PMEPA1: variants seen among roughly 807,000 people sequenced by gnomAD.
PMEPA1 encodes protein TMEPAI.
PMEPA1 carries 11 observed loss-of-function variants against 23.0 expected under a neutral mutation model. The observed-to-expected ratio is 0.48, with a 90% CI of 0.30 to 0.79. The LOEUF is 0.79. Among genes scored for constraint, PMEPA1 ranks in the 30% least tolerant of loss-of-function variants. PMEPA1 has a pLI of 0.06. For synonymous variants in PMEPA1, 204 were observed against 166.4 expected (o/e 1.23, Z -1.74); for missense variants, 377 against 390.9 (o/e 0.96, Z 0.30).
chr20:57,651,198 G>C lies in PMEPA1; in HGVS notation c.*855C>G. The stretch of plus-strand genomic sequence containing the variant: ...TCAGGGGGGAAAAGGTGTCTCCTTC[G>C]GTAGGGAATATATAACGTGGTGATA... On this transcript the variant is annotated 3_prime_UTR_variant, in exon 4 of 4. Transcript: ENST00000341744. 6.6e-6 allele frequency: 1 copy of C among 152,200 alleles called. No homozygotes were observed. The highest frequency in any genetic ancestry group is 2.4e-5 in the African/African-American group (1 of 41,440). The allele number at this position is 152,200 out of a possible 1,614,324, so 9.4% of individuals were successfully genotyped here.
In PMEPA1 at chr20:57,688,968, G is replaced by A. The variant is rs1030163498; in HGVS notation, c.109+20506C>T. 4.6e-5 allele frequency among the ~76,000 whole-genome samples: 7 copies of A among 152,210 alleles called. No individual in the cohort carries two copies. In the East Asian group the frequency reaches 9.6e-4, roughly 21 times the overall value. On this transcript the variant is annotated intron_variant, in intron 1 of 3. Transcript: ENST00000341744. ...TTCTTTGGCTCAGACCTGGCTGAGC[G>A]CTGCCTCTGGGCCTTCGATCCCCGC...
intron 2 of PMEPA1, among the ~76,000 whole-genome samples, chr20:57,653,739 C>T (rs1348554459): frequency 6.6e-6 from 1 of 152,208 alleles, no homozygotes; most frequent in Non-Finnish European, 1.5e-5. Context: ...CACGGCAGGC[C>T]AGGCTGCACG....
At chr20:57,671,339 A>G (rs987702889) in intron 1 of PMEPA1, among the ~76,000 whole-genome samples, 1 of 152,080 alleles carries the variant, frequency 6.6e-6, no homozygotes, top group Non-Finnish European at 1.5e-5. Flanking sequence ...AGGAGAGTGG[A>G]CGACAAATGG....
chr20:57,669,549 C>T (rs1293310007), intron 1 of PMEPA1, among the ~76,000 whole-genome samples: 4 of 152,236 alleles, frequency 2.6e-5, no homozygotes, highest in South Asian at 2.1e-4. Flanking sequence ...CTGGGAACCA[C>T]TGAAATGTCC....
intron 1 of PMEPA1, among the ~76,000 whole-genome samples, chr20:57,708,840 C>T (rs2072123248): frequency 1.3e-5 from 2 of 152,082 alleles, no homozygotes; most frequent in Admixed American, 1.3e-4. Context: ...GCACCCCGGC[C>T]CGGACACGGG....
chr20:57,681,442 G>A (rs986580659), intron 1 of PMEPA1, among the ~76,000 whole-genome samples: 10 of 152,302 alleles, frequency 6.6e-5, no homozygotes, highest in African/African-American at 2.4e-4. Flanking sequence ...GTGACAGCGA[G>A]AGACCTCTCT....
chr20:57,698,115 C>T (rs1197600141), intron 1 of PMEPA1, among the ~76,000 whole-genome samples: 1 of 152,116 alleles, frequency 6.6e-6, no homozygotes, highest in Non-Finnish European at 1.5e-5. Context: ...GCATCCCTCC[C>T]GTGTCAGCCT....
chr20:57,698,833 A>T (rs1488681882), intron 1 of PMEPA1, among the ~76,000 whole-genome samples: 1 of 152,306 alleles, frequency 6.6e-6, no homozygotes, highest in Non-Finnish European at 1.5e-5. Context: ...ACACACACAG[A>T]CTTGGCAAGT....
chr20:57,686,010 G>C (rs891813147), intron 1 of PMEPA1, among the ~76,000 whole-genome samples: 12 of 152,128 alleles, frequency 7.9e-5, no homozygotes, highest in African/African-American at 2.7e-4. Flanking sequence ...GGCTGCAAGG[G>C]TGTGGCCCGG....
At chr20:57,654,320 A>G (rs2071295327) in intron 2 of PMEPA1, among the ~76,000 whole-genome samples, 1 of 152,192 alleles carries the variant, frequency 6.6e-6, no homozygotes, top group Non-Finnish European at 1.5e-5. Context: ...ACCTCTCACC[A>G]CAATCAAGAT....
chr20:57,697,525 A>G (rs1231157707), intron 1 of PMEPA1, among the ~76,000 whole-genome samples: 1 of 152,248 alleles, frequency 6.6e-6, no homozygotes, highest in African/African-American at 2.4e-5. Flanking sequence ...ACTTTCTCAC[A>G]GCCATCCAAC....
At chr20:57,709,323 G>A (rs1257973058) in intron 1 of PMEPA1, 151 bp downstream of exon 1, 9 of 358,708 alleles carry the variant, frequency 2.5e-5, no homozygotes, top group Non-Finnish European at 3.2e-5. Flanking sequence ...CGAGCCGGGA[G>A]GGCGCGCCCG....
chr20:57,686,712 C>T (rs2146690444), intron 1 of PMEPA1, among the ~76,000 whole-genome samples: 1 of 152,394 alleles, frequency 6.6e-6, no homozygotes, highest in Admixed American at 6.5e-5. Context: ...AGGCCCTCAC[C>T]TGTGAGATGG....
chr20:57,666,979 T>C (rs203391), intron 1 of PMEPA1, among the ~76,000 whole-genome samples: 79,260 of 152,136 alleles, frequency 0.52, 20,984 homozygotes, highest in East Asian at 0.63. Context: ...ATACACACGA[T>C]GGCACGTGTG....
intron 1 of PMEPA1, chr20:57,700,053 C>G: frequency 2.1e-6 from 1 of 471,240 alleles, no homozygotes; most frequent in Non-Finnish European, 4.4e-6. Context: ...CAGGCAAATT[C>G]ATGGCTGGAT....
At position 57,660,600 on chromosome 20, in the gene PMEPA1, A is replaced by G. The variant is rs550489984; in HGVS notation, c.110-903T>C. Among the ~76,000 whole-genome samples, 17 of 129,462 alleles carry G rather than the reference A, an allele frequency of 1.3e-4. No individual in the cohort carries two copies. In the East Asian group the frequency reaches 3.9e-3, roughly 29 times the overall value. The allele number at this position is 129,462 out of a possible 152,430, so 84.9% of individuals were successfully genotyped here. On this transcript the variant is annotated intron_variant, in intron 1 of 3. Transcript: ENST00000341744. ...AACACTCCTACACAAATAACACCCC[A>G]ACACGTACCCCTAACACTCCTACAC... is the stretch of plus-strand genomic sequence containing the variant.
At chr20:57,706,261 G>A (rs1056791931) in intron 1 of PMEPA1, among the ~76,000 whole-genome samples, 1 of 152,192 alleles carries the variant, frequency 6.6e-6, no homozygotes, top group Non-Finnish European at 1.5e-5. Flanking sequence ...CTGGGCCCCA[G>A]AAGTTTGAGG....
intron 1 of PMEPA1, among the ~76,000 whole-genome samples, chr20:57,672,401 G>A (rs935236217): frequency 1.3e-5 from 2 of 152,256 alleles, no homozygotes; most frequent in Non-Finnish European, 1.5e-5. Context: ...GAAGTGAACC[G>A]GGGCTCCGTT....
chr20:57,653,930 C>A (rs2071289977), intron 2 of PMEPA1, among the ~76,000 whole-genome samples: 1 of 152,102 alleles, frequency 6.6e-6, no homozygotes, highest in Non-Finnish European at 1.5e-5. Flanking sequence ...ATCTAGTGAG[C>A]CCATCATTAC....
Sources: gnomAD v4.1 joint callset for allele counts (sites outside exome capture counted in the v4.1 genomes callset) on GRCh38, gnomAD v4.1.1 for gene constraint, MANE v1.5 for transcripts, NCBI Gene and HGNC (gene_info 2026-07-23, HGNC 2026-07-21) for gene names.